ADAM32: variants seen among roughly 807,000 people sequenced by gnomAD.
ADAM32 encodes disintegrin and metalloproteinase domain-containing protein 32.
ADAM32 carries 89 observed loss-of-function variants against 114.9 expected under a neutral mutation model. The ratio of observed to expected loss-of-function variants is 0.77; its 90% confidence interval spans 0.65 to 0.92. The LOEUF is 0.92. Ranked by LOEUF, ADAM32 falls within the 40% of genes least tolerant of loss-of-function variation. The pLI is 0.00. For synonymous variants in ADAM32, 285 were observed against 307.5 expected, an observed-to-expected ratio of 0.93 and a Z score of 0.77; for missense variants, 870 against 932.8, an observed-to-expected ratio of 0.93 and a Z score of 0.88.
rs77543980 is a variant in ADAM32 at position 39,174,695 on chromosome 8, GT to G, written c.915+4707del. ...CCACAACAGTACCCAGAGTGTGATA[GT>G]TTTTTTTTCTAATTCTGTGAAGAAT... is the stretch of plus-strand genomic sequence containing the variant. On this transcript the variant is annotated intron_variant, in intron 10 of 24. Transcript: ENST00000379907. 8.1e-5 allele frequency among the ~76,000 whole-genome samples: 11 copies of G among 136,436 alleles called. No homozygotes were observed. In the South Asian group the frequency reaches 2.1e-3, roughly 27 times the overall value. The allele number at this position is 136,436 out of a possible 152,430, so 89.5% of individuals were successfully genotyped here.
At chr8:39,232,229 A>C (rs925798307) in intron 15 of ADAM32, 94 bp downstream of exon 15, 2 of 976,250 alleles carry the variant, frequency 2.0e-6, no homozygotes, top group Non-Finnish European at 1.5e-6. Flanking sequence ...CAGTGGTTTA[A>C]AGTATTACAT....
At chr8:39,254,645 C>A in intron 18 of ADAM32, 129 bp downstream of exon 18, 1 of 634,530 alleles carries the variant, frequency 1.6e-6, no homozygotes, top group Non-Finnish European at 2.5e-6. Flanking sequence ...TCAGAATTCT[C>A]TCAAGGAATG....
At chr8:39,196,550 T>C (rs1807011460) in intron 11 of ADAM32, among the ~76,000 whole-genome samples, 1 of 152,178 alleles carries the variant, frequency 6.6e-6, no homozygotes, top group African/African-American at 2.4e-5. Context: ...TGAAGCCATG[T>C]TGAAATTTGT....
chr8:39,109,864 A>ACAAATCC (rs1295144634), intron 1 of ADAM32, among the ~76,000 whole-genome samples: 1 of 152,176 alleles, frequency 6.6e-6, no homozygotes, highest in Non-Finnish European at 1.5e-5. Context: ...TCACTGCCCT[A>ACAAATCC]CAAATCCCAT....
At chr8:39,244,220 T>C (rs1006906475) in intron 16 of ADAM32, among the ~76,000 whole-genome samples, 2 of 152,040 alleles carry the variant, frequency 1.3e-5, no homozygotes, top group African/African-American at 4.8e-5. Context: ...TCAATATAAT[T>C]CCCATCAAAA....
intron 14 of ADAM32, 105 bp from the exon 15 acceptor site, chr8:39,231,922 C>A: frequency 1.1e-6 from 1 of 931,674 alleles, no homozygotes; most frequent in Non-Finnish European, 1.6e-6. Flanking sequence ...AAAAATGTTT[C>A]AATTAGATAT....
intron 6 of ADAM32, among the ~76,000 whole-genome samples, chr8:39,156,386 C>T (rs953857675): frequency 2.6e-5 from 4 of 152,208 alleles, no homozygotes; most frequent in African/African-American, 7.2e-5. Context: ...CTCAAGCAGT[C>T]CTCCCATTTT....
intron 11 of ADAM32, among the ~76,000 whole-genome samples, chr8:39,207,548 A>C (rs931102023): frequency 6.6e-6 from 1 of 152,332 alleles, no homozygotes; most frequent in Non-Finnish European, 1.5e-5. Flanking sequence ...TTATCATTTC[A>C]GCATGACAAT....
intron 16 of ADAM32, among the ~76,000 whole-genome samples, chr8:39,237,038 T>C (rs1183728945): frequency 1.3e-5 from 2 of 152,110 alleles, no homozygotes; most frequent in Non-Finnish European, 2.9e-5. Flanking sequence ...AAATGCCCAA[T>C]ATGTGAGTGG....
chr8:39,197,504 A>G (rs191805559), intron 11 of ADAM32, among the ~76,000 whole-genome samples: 2 of 151,628 alleles, frequency 1.3e-5, no homozygotes, highest in Admixed American at 1.3e-4. Flanking sequence ...ACTAGTTTTG[A>G]TATTATTTTG....
At position 39,107,841 on chromosome 8, in the gene ADAM32, A is replaced by G; in HGVS notation, c.58+8A>G. ...TCCTGGCGTCAAGACCCGGTGAGCCAGCCCAGACCCTGACACTAGTCCGGG... is the reference window on the plus strand; with the variant it reads ...TCCTGGCGTCAAGACCCGGTGAGCCGGCCCAGACCCTGACACTAGTCCGGG... On this transcript the variant is annotated splice_region_variant and intron_variant, in intron 1 of 24. Coordinates refer to ENST00000379907, the MANE Select transcript of ADAM32 (RefSeq NM_145004.7). The G allele has an allele frequency of 6.5e-7, 1 of 1,539,880 alleles. No individual in the cohort carries two copies. The highest frequency in any genetic ancestry group is 8.8e-7 in the Non-Finnish European group (1 of 1,141,898).
chr8:39,203,055 T>C (rs1250868996), intron 11 of ADAM32, among the ~76,000 whole-genome samples: 1 of 152,192 alleles, frequency 6.6e-6, no homozygotes, highest in Non-Finnish European at 1.5e-5. Flanking sequence ...CTTCCAACTA[T>C]GTGGTCAATT....
At chr8:39,134,228 G>A (rs1017300822) in intron 2 of ADAM32, among the ~76,000 whole-genome samples, 2 of 152,002 alleles carry the variant, frequency 1.3e-5, no homozygotes, top group African/African-American at 4.8e-5. Context: ...TTTCAACATG[G>A]TACTGTGCTG....
intron 2 of ADAM32, among the ~76,000 whole-genome samples, chr8:39,129,479 T>C (rs779382100): frequency 2.0e-5 from 3 of 152,222 alleles, no homozygotes; most frequent in Non-Finnish European, 4.4e-5. Context: ...TTTCTTCCTT[T>C]AGTTTATTGA....
At position 39,233,901 on chromosome 8, in the gene ADAM32, A is replaced by ATGTT. The variant is rs775610607; in HGVS notation, c.1638_1639insGTTT (p.Leu547ValfsTer23). On this transcript the variant is annotated frameshift_variant, in exon 16 of 25. Transcript: ENST00000379907. LOFTEE classifies it high-confidence loss of function. ...ATATATATTTTTTATGTTTTCAGGA[A>ATGTT]TCTTATATGTGGAAGATTAGTTTGT... 1.3e-6 allele frequency: 2 copies of ATGTT among 1,506,114 alleles called. No homozygotes were observed. The highest frequency in any genetic ancestry group is 2.8e-5 in the South Asian group (2 of 70,364). The allele number at this position is 1,506,114 out of a possible 1,614,324, so 93.3% of individuals were successfully genotyped here.
chr8:39,249,095 G>A (rs574039723), intron 17 of ADAM32, among the ~76,000 whole-genome samples: 3 of 151,850 alleles, frequency 2.0e-5, no homozygotes, highest in South Asian at 2.1e-4. Context: ...TAGTAGAGAC[G>A]GGGTTTCATC....
At chr8:39,174,344 G>C (rs112331005) in intron 10 of ADAM32, among the ~76,000 whole-genome samples, 37,474 of 152,002 alleles carry the variant, frequency 0.25, 4,995 homozygotes, top group Non-Finnish European at 0.29. Context: ...GTACCAGTAC[G>C]ATGCTGTTTT....
intron 10 of ADAM32, among the ~76,000 whole-genome samples, chr8:39,178,603 T>C (rs2129446783): frequency 6.6e-6 from 1 of 152,314 alleles, no homozygotes; most frequent in South Asian, 2.1e-4. Flanking sequence ...CATTCTGGCT[T>C]TTTAAGTTTT....
chr8:39,211,147 A>G lies in ADAM32; in HGVS notation c.1056A>G (p.Gln352=), dbSNP rs985787211. 17 of 1,574,246 alleles carry G rather than the reference A, an allele frequency of 1.1e-5. No individual in the cohort carries two copies. Among genetic ancestry groups the G allele is most frequent in the Non-Finnish European group, 1.5e-5 (17 of 1,163,710 alleles). The part of the protein sequence containing the change: ...STCIMNPEVV[Q]SNGVKTFSSC... ...CATTATATGGATTCATCTTTAGGCAATCCAATGGTGTGAAGACTTTTAGCA... is the reference window on the plus strand; with the variant it reads ...CATTATATGGATTCATCTTTAGGCAGTCCAATGGTGTGAAGACTTTTAGCA... The change falls in exon 12 of 25, where the codon CAA becomes CAG. Residue 352 remains glutamine (Q), a synonymous_variant. Coordinates refer to ENST00000379907, the MANE Select transcript of ADAM32 (RefSeq NM_145004.7).
Sources: gnomAD v4.1 joint callset for allele counts (sites outside exome capture counted in the v4.1 genomes callset) on GRCh38, gnomAD v4.1.1 for gene constraint, MANE v1.5 for transcripts, NCBI Gene and HGNC (gene_info 2026-07-23, HGNC 2026-07-21) for gene names.